Variants in MIPEP observed in about 807,000 individuals in gnomAD.
MIPEP encodes mitochondrial intermediate peptidase.
MIPEP carries 79 observed loss-of-function variants against 90.3 expected under a neutral mutation model. The ratio of observed to expected loss-of-function variants is 0.87; its 90% CI spans 0.73 to 1.05. The LOEUF (loss-of-function observed/expected upper bound fraction) is 1.05, where lower values mean the gene tolerates loss of function less well. MIPEP is among the 50% of genes least tolerant of loss of function. The probability of loss-of-function intolerance (pLI) is 0.00; values close to 1 mark genes in which losing one functional copy is unlikely to be tolerated. For missense variants in MIPEP, 940 were observed against 905.6 expected, an observed-to-expected ratio of 1.04 and a Z score of -0.49; for synonymous variants, 334 against 315.8, an observed-to-expected ratio of 1.06 and a Z score of -0.61.
intron 14 of MIPEP, among the ~76,000 whole-genome samples, chr13:23,835,842 A>C (rs1279387908): frequency 6.6e-6 from 1 of 152,242 alleles, no homozygotes; most frequent in Non-Finnish European, 1.5e-5. Flanking sequence ...TTAATGAGAC[A>C]ACATAAAAAT....
chr13:23,818,060 C>T (rs114194182), intron 14 of MIPEP, among the ~76,000 whole-genome samples: 11 of 152,060 alleles, frequency 7.2e-5, no homozygotes, highest in African/African-American at 2.7e-4. Flanking sequence ...GGGCCATACA[C>T]TTAGTTCTGG....
chr13:23,834,483 C>G (rs80203466), intron 14 of MIPEP, among the ~76,000 whole-genome samples: 1 of 152,192 alleles, frequency 6.6e-6, no homozygotes, highest in East Asian at 1.9e-4. Context: ...AATTAAAGAC[C>G]GCGGGCAATG....
chr13:23,834,863 C>T lies in MIPEP; in HGVS notation c.1653+1377G>A, dbSNP rs539767954. On this transcript the variant is annotated intron_variant, in intron 14 of 18. Transcript: ENST00000382172. ...TTATGCTATCACGTGGTAGGGTATGCCTCTCTATGTTATTGGCCAAGTCTA... is the reference window on the plus strand; with the variant it reads ...TTATGCTATCACGTGGTAGGGTATGTCTCTCTATGTTATTGGCCAAGTCTA... Among the ~76,000 whole-genome samples the T allele has an allele frequency of 5.9e-5, 9 of 152,094 alleles. No homozygotes were observed. The East Asian group carries it at 1.5e-3, about 26-fold the overall frequency.
intron 7 of MIPEP, among the ~76,000 whole-genome samples, chr13:23,868,018 A>G (rs1183626376): frequency 6.6e-6 from 1 of 152,000 alleles, no homozygotes; most frequent in Non-Finnish European, 1.5e-5. Flanking sequence ...ACTTTTCACC[A>G]AACTGATACT....
chr13:23,811,369 A>G (rs1953168978), intron 14 of MIPEP, among the ~76,000 whole-genome samples: 1 of 152,226 alleles, frequency 6.6e-6, no homozygotes, highest in Non-Finnish European at 1.5e-5. Context: ...CTCTCAGGCT[A>G]CATTGTCTTT....
chr13:23,856,530 G>C (rs543523837), intron 10 of MIPEP, among the ~76,000 whole-genome samples: 1 of 152,240 alleles, frequency 6.6e-6, no homozygotes, highest in South Asian at 2.1e-4. Context: ...TGCAAATTGG[G>C]GGTAGATTAT....
intron 15 of MIPEP, among the ~76,000 whole-genome samples, chr13:23,808,244 G>A (rs1250615817): frequency 1.3e-5 from 2 of 151,872 alleles, no homozygotes; most frequent in East Asian, 1.9e-4. Context: ...GACTATAGGC[G>A]CCTGCCACCA....
chr13:23,771,032 G>A (rs995758287), intron 16 of MIPEP, among the ~76,000 whole-genome samples: 34 of 152,152 alleles, frequency 2.2e-4, no homozygotes, highest in African/African-American at 8.2e-4. Context: ...AGAGGACCCT[G>A]ACCTCATGGC....
chr13:23,808,345 C>T (rs1433581912), intron 15 of MIPEP, among the ~76,000 whole-genome samples: 3 of 152,038 alleles, frequency 2.0e-5, no homozygotes, highest in Non-Finnish European at 2.9e-5. Context: ...GTGATCCGCC[C>T]GCCTCGGCCT....
intron 16 of MIPEP, among the ~76,000 whole-genome samples, chr13:23,777,446 A>G (rs774649255): frequency 6.6e-5 from 10 of 152,218 alleles, no homozygotes; most frequent in Non-Finnish European, 1.0e-4. Context: ...GAATTTCTGA[A>G]GTAATCATAA....
At chr13:23,754,949 C>T (rs1482095637) in intron 18 of MIPEP, among the ~76,000 whole-genome samples, 1 of 152,244 alleles carries the variant, frequency 6.6e-6, no homozygotes, top group Non-Finnish European at 1.5e-5. Context: ...GGTCTGCTTG[C>T]TGCCTGAGGT....
chr13:23,742,224 AAGAAAGAATAGAGAGAAAAAAAT>A, intron 18 of MIPEP, among the ~76,000 whole-genome samples: 1 of 152,232 alleles, frequency 6.6e-6, no homozygotes, highest in Admixed American at 6.5e-5. Context: ...AAGGGGTGCC[AAGAAAGAATAGAGAGAAAAAAAT>A]ACCTTTTTCA....
chr13:23,879,186 A>G, intron 4 of MIPEP, 82 bp downstream of exon 4: 1 of 788,092 alleles, frequency 1.3e-6, no homozygotes, highest in Non-Finnish European at 2.2e-6. Flanking sequence ...AGAGGCTGCA[A>G]GTACAGAGGC....
intron 7 of MIPEP, among the ~76,000 whole-genome samples, chr13:23,865,819 C>T (rs750243149): frequency 4.0e-5 from 6 of 151,828 alleles, no homozygotes; most frequent in African/African-American, 7.3e-5. Flanking sequence ...TACAGGCACC[C>T]GCCACCGCGC....
At chr13:23,795,042 T>C (rs1333732473) in intron 16 of MIPEP, among the ~76,000 whole-genome samples, 1 of 152,194 alleles carries the variant, frequency 6.6e-6, no homozygotes, top group Non-Finnish European at 1.5e-5. Flanking sequence ...GTATTTAAGA[T>C]AAAAACAAAA....
At chr13:23,858,954 T>C (rs1244601586) in intron 9 of MIPEP, 42 bp from the exon 10 acceptor site, 2 of 1,556,114 alleles carry the variant, frequency 1.3e-6, no homozygotes, top group Non-Finnish European at 1.8e-6. Flanking sequence ...CTACTGACTC[T>C]TTCATAGTTT....
chr13:23,870,675 C>T (rs901517528), intron 5 of MIPEP, among the ~76,000 whole-genome samples: 16 of 151,888 alleles, frequency 1.1e-4, no homozygotes, highest in Admixed American at 3.9e-4. Flanking sequence ...CGTGGTGGCA[C>T]GTGCCTATAA....
chr13:23,777,066 A>G (rs1477467227), intron 16 of MIPEP, among the ~76,000 whole-genome samples: 3 of 152,208 alleles, frequency 2.0e-5, no homozygotes, highest in African/African-American at 7.2e-5. Flanking sequence ...CAGTGCTACT[A>G]AAGTAAAAAG....
At chr13:23,748,322 CAG>C (rs144576003) in intron 18 of MIPEP, among the ~76,000 whole-genome samples, 27,476 of 152,174 alleles carry the variant, frequency 0.18, 3,277 homozygotes, top group Non-Finnish European at 0.27. Flanking sequence ...AGCCCTGTAA[CAG>C]GGGCTGCAGA....
Sources: gnomAD v4.1 joint callset for allele counts (sites outside exome capture counted in the v4.1 genomes callset) on GRCh38, gnomAD v4.1.1 for gene constraint, MANE v1.5 for transcripts, NCBI Gene and HGNC (gene_info 2026-07-23, HGNC 2026-07-21) for gene names.